Variants in RGS7 observed in about 807,000 individuals in gnomAD.
RGS7 encodes regulator of G protein signaling 7.
Under a neutral mutation model 81.1 loss-of-function variants are expected in RGS7, and 27 were observed. The observed-to-expected ratio is 0.33, with a 90% CI of 0.25 to 0.46. RGS7 has a LOEUF of 0.46. Among genes scored for constraint, RGS7 ranks in the 20% least tolerant of loss-of-function variants. The probability of loss-of-function intolerance (pLI) is 1.00; values close to 1 mark genes in which losing one functional copy is unlikely to be tolerated. For missense variants in RGS7, 396 were observed against 607.4 expected (o/e 0.65, Z 3.66); for synonymous variants, 208 against 207.7 (o/e 1.00, Z -0.01).
chr1:241,124,829 G>T (rs1431506591), intron 2 of RGS7, among the ~76,000 whole-genome samples: 1 of 152,236 alleles, frequency 6.6e-6, no homozygotes, highest in East Asian at 1.9e-4. Flanking sequence ...ATAGGACACT[G>T]TAGGCGCTGC....
intron 18 of RGS7, among the ~76,000 whole-genome samples, chr1:240,793,613 T>TATATATA (rs1558259636): frequency 9.1e-5 from 8 of 88,358 alleles, no homozygotes; most frequent in African/African-American, 4.8e-4. Flanking sequence ...ATATATATAT[T>TATATATA]TTTTTTTTTT....
intron 3 of RGS7, among the ~76,000 whole-genome samples, chr1:241,057,012 G>A (rs974404498): frequency 3.3e-5 from 5 of 150,764 alleles, no homozygotes; most frequent in South Asian, 2.1e-4. Flanking sequence ...TATGTACACC[G>A]TTGATATATG....
At chr1:241,287,962 A>G (rs2078908480) in intron 2 of RGS7, among the ~76,000 whole-genome samples, 1 of 152,222 alleles carries the variant, frequency 6.6e-6, no homozygotes, top group East Asian at 1.9e-4. Flanking sequence ...GCTTGCTGAC[A>G]GGTAACCTTG....
chr1:241,187,797 A>G (rs1039344295), intron 2 of RGS7, among the ~76,000 whole-genome samples: 20 of 152,224 alleles, frequency 1.3e-4, no homozygotes, highest in East Asian at 1.9e-4. Context: ...TTCACCTTGA[A>G]GCATGTTTGT....
intron 3 of RGS7, among the ~76,000 whole-genome samples, chr1:241,007,854 G>A (rs909174421): frequency 1.1e-4 from 16 of 152,280 alleles, no homozygotes; most frequent in South Asian, 4.1e-4. Flanking sequence ...TGATTAAGGC[G>A]CTGCATCTTG....
intron 2 of RGS7, among the ~76,000 whole-genome samples, chr1:241,134,982 T>C (rs1459612658): frequency 6.7e-6 from 1 of 150,098 alleles, no homozygotes; most frequent in African/African-American, 2.5e-5. Context: ...CCTCTGAAGA[T>C]GGAGAAGGAG....
intron 2 of RGS7, among the ~76,000 whole-genome samples, chr1:241,219,103 C>A (rs192178979): frequency 6.6e-6 from 1 of 152,250 alleles, no homozygotes; most frequent in Non-Finnish European, 1.5e-5. Flanking sequence ...GACTTAAAAG[C>A]TACATGCCTC....
At chr1:241,299,740 G>A (rs1314077875) in intron 2 of RGS7, among the ~76,000 whole-genome samples, 6 of 151,480 alleles carry the variant, frequency 4.0e-5, no homozygotes, top group Admixed American at 2.0e-4. Flanking sequence ...TGAGCACGAT[G>A]GAGAAGTCTT....
chr1:241,191,821 G>C (rs2072676025), intron 2 of RGS7, among the ~76,000 whole-genome samples: 1 of 152,168 alleles, frequency 6.6e-6, no homozygotes, highest in African/African-American at 2.4e-5. Context: ...TGGTTTACTT[G>C]TAATTTGTTT....
intron 9 of RGS7, among the ~76,000 whole-genome samples, chr1:240,854,102 T>A (rs1037707151): frequency 5.3e-5 from 8 of 151,984 alleles, no homozygotes; most frequent in Non-Finnish European, 1.2e-4. Flanking sequence ...TAATAATTGA[T>A]AGAGACAATT....
intron 2 of RGS7, among the ~76,000 whole-genome samples, chr1:241,317,055 G>A (rs2148587525): frequency 6.6e-6 from 1 of 152,294 alleles, no homozygotes; most frequent in South Asian, 2.1e-4. Context: ...GCACTGATTT[G>A]TAGTGTTTGC....
intron 2 of RGS7, among the ~76,000 whole-genome samples, chr1:241,220,994 GAAGA>G (rs1287026721): frequency 1.1e-5 from 1 of 93,492 alleles, no homozygotes; most frequent in Non-Finnish European, 2.3e-5. Flanking sequence ...AGGAAGGAAG[GAAGA>G]GAGAGAGAAA....
chr1:241,206,064 C>CAAA (rs2073862085), intron 2 of RGS7, among the ~76,000 whole-genome samples: 1 of 151,882 alleles, frequency 6.6e-6, no homozygotes, highest in African/African-American at 2.4e-5. Flanking sequence ...ACTCAGCCCC[C>CAAA]AAAACACACC....
chr1:241,308,761 A>C (rs2080324737), intron 2 of RGS7, among the ~76,000 whole-genome samples: 1 of 152,190 alleles, frequency 6.6e-6, no homozygotes, highest in Non-Finnish European at 1.5e-5. Context: ...CTCTTAGCTT[A>C]ATATACACAG....
chr1:241,098,798 G>C (rs2064492245), intron 2 of RGS7, 36 bp from the exon 3 acceptor site: 1 of 1,515,226 alleles, frequency 6.6e-7, no homozygotes. Context: ...CCTTTATAAA[G>C]TTGAACTTTT....
chr1:240,859,456 T>C (rs113318567), intron 9 of RGS7, among the ~76,000 whole-genome samples: 1 of 149,510 alleles, frequency 6.7e-6, no homozygotes, highest in African/African-American at 2.5e-5. Context: ...TTTTTTTTTT[T>C]TTCTTTTGGT....
At chr1:241,224,895 G>T (rs756558540) in intron 2 of RGS7, among the ~76,000 whole-genome samples, 14 of 152,120 alleles carry the variant, frequency 9.2e-5, no homozygotes, top group Non-Finnish European at 1.5e-4. Flanking sequence ...ACAAAAGTTT[G>T]ATTTGGAGAT....
At chr1:241,142,210 G>T (rs1029874878) in intron 2 of RGS7, among the ~76,000 whole-genome samples, 3 of 152,180 alleles carry the variant, frequency 2.0e-5, no homozygotes, top group Non-Finnish European at 4.4e-5. Flanking sequence ...GTGCCTACAG[G>T]TTTTCCAGGT....
rs542484140 is a variant in RGS7, at chr1:240,848,813, G to A, written c.609+19774C>T. Among the ~76,000 whole-genome samples, 4 of 152,140 alleles carry A rather than the reference G, an allele frequency of 2.6e-5. No individual in the cohort carries two copies. In the East Asian group the frequency reaches 5.8e-4, roughly 22 times the overall value. On this transcript the variant is annotated intron_variant, in intron 9 of 18. Coordinates refer to ENST00000440928, the MANE Select transcript of RGS7 (RefSeq NM_001364886.1). The stretch of plus-strand genomic sequence containing the variant: ...ATGTATAACATTTGAATGCCAAAAA[G>A]GGTTCTTTTCTGGTGCTAGACAATT...
Sources: allele counts gnomAD v4.1 joint callset (sites outside exome capture counted in the v4.1 genomes callset), GRCh38; gene constraint gnomAD v4.1.1; transcripts MANE v1.5; gene names NCBI Gene and HGNC (gene_info 2026-07-23, HGNC 2026-07-21).